Variants in PRKACB observed in about 807,000 individuals in gnomAD.
PRKACB encodes the protein protein kinase cAMP-activated catalytic subunit beta.
A neutral mutation model predicts 51.4 loss-of-function variants in PRKACB; 16 were observed. That is an observed-to-expected ratio of 0.31 (90% confidence interval 0.21 to 0.47). The LOEUF is 0.47. PRKACB is among the 20% of genes least tolerant of loss of function. PRKACB has a pLI of 1.00. For synonymous variants in PRKACB, 147 were observed against 154.4 expected, an observed-to-expected ratio of 0.95 and a Z score of 0.35; for missense variants, 309 against 464.5, an observed-to-expected ratio of 0.67 and a Z score of 3.08.
chr1:84,154,308 C>T (rs1655186886), intron 1 of PRKACB, among the ~76,000 whole-genome samples: 1 of 152,118 alleles, frequency 6.6e-6, no homozygotes, highest in African/African-American at 2.4e-5. Context: ...TATTTTCTCT[C>T]ATTCTGTAGG....
chr1:84,228,360 C>T lies in PRKACB; in HGVS notation c.1072-6820C>T, dbSNP rs147599425. ...TCATGAATATGAAACCTGCTTTAGC[C>T]GCTTATCAGTCATGTGAATTTGGTC... On this transcript the variant is annotated intron_variant, in intron 9 of 9. Coordinates refer to ENST00000370685, the MANE Select transcript of PRKACB (RefSeq NM_182948.4). Among the ~76,000 whole-genome samples, 682 of 152,216 alleles carry T rather than the reference C, an allele frequency of 4.5e-3. 13 individuals are homozygous for T. The highest frequency in any genetic ancestry group is 0.033 in the Admixed American group (510 of 15,284).
At chr1:84,098,048 G>A (rs1649057722) in intron 1 of PRKACB, among the ~76,000 whole-genome samples, 1 of 151,942 alleles carries the variant, frequency 6.6e-6, no homozygotes, top group Non-Finnish European at 1.5e-5. Context: ...GTGTATATCA[G>A]GATATAATTA....
At chr1:84,202,646 T>C (rs1191265179) in intron 7 of PRKACB, 37 bp from the exon 8 acceptor site, 1 of 1,558,336 alleles carries the variant, frequency 6.4e-7, no homozygotes, top group Non-Finnish European at 8.7e-7. Context: ...TTTGAGTAAC[T>C]TAAGTAACAA....
intron 8 of PRKACB, among the ~76,000 whole-genome samples, chr1:84,203,357 C>T (rs970976764): frequency 5.3e-5 from 8 of 151,954 alleles, no homozygotes; most frequent in African/African-American, 1.9e-4. Flanking sequence ...AATTTTTCTT[C>T]AACATGAGTA....
intron 2 of PRKACB, chr1:84,181,592 T>C: frequency 9.8e-7 from 1 of 1,019,114 alleles, no homozygotes; most frequent in Non-Finnish European, 1.3e-6. Flanking sequence ...TCTTCTTTCC[T>C]TATTGTTGTT....
chr1:84,175,131 C>T, intron 1 of PRKACB: 1 of 1,257,670 alleles, frequency 8.0e-7, no homozygotes, highest in South Asian at 2.1e-5. Context: ...TTTTTATTTT[C>T]CTTATAAAGT....
Position 84,194,830 on chromosome 1 carries a change from C to T in PRKACB, c.561-1786C>T, listed in dbSNP as rs572051466. ...GTGTGCAACTGTAGTCCCAGCTACT[C>T]GGTAGACTGAGGTGGGAAGATTGCA... On this transcript the variant is annotated intron_variant, in intron 5 of 9. Coordinates refer to ENST00000370685, the MANE Select transcript of PRKACB (RefSeq NM_182948.4). 4.6e-5 allele frequency among the ~76,000 whole-genome samples: 7 copies of T among 151,998 alleles called. No individual in the cohort carries two copies. The East Asian group carries it at 7.8e-4, about 17-fold the overall frequency.
chr1:84,123,912 T>C (rs1467445610), intron 1 of PRKACB, among the ~76,000 whole-genome samples: 1 of 152,152 alleles, frequency 6.6e-6, no homozygotes, highest in African/African-American at 2.4e-5. Context: ...TTAACATTTT[T>C]ACACTCAATA....
rs138990739 is a variant in PRKACB at position 84,155,033 on chromosome 1, C to T, written c.187+10485C>T. On this transcript the variant is annotated intron_variant, in intron 1 of 9. Coordinates refer to ENST00000370685, the MANE Select transcript of PRKACB (RefSeq NM_182948.4). Reference sequence around the variant, plus strand: ...ATGATACTGGAAGTCCTATCCAGAGCATTTAGGCAATAAATAAATAAATAA... The same window carrying T: ...ATGATACTGGAAGTCCTATCCAGAGTATTTAGGCAATAAATAAATAAATAA... Among the ~76,000 whole-genome samples the T allele has an allele frequency of 1.8e-3, 268 of 151,904 alleles. 1 individual carries two copies. The highest frequency in any genetic ancestry group is 6.3e-3 in the African/African-American group (263 of 41,440).
Position 84,105,608 on chromosome 1 carries a change from T to C in PRKACB, c.46+27237T>C, listed in dbSNP as rs111463079. Among the ~76,000 whole-genome samples, 791 of 151,942 alleles carry C rather than the reference T, an allele frequency of 5.2e-3. 5 individuals carry two copies. Among genetic ancestry groups the C allele is most frequent in the African/African-American group, 0.018 (750 of 41,430 alleles). On this transcript the variant is annotated intron_variant, in intron 1 of 8. Transcript: ENST00000370688. ...ATTTATTTACTGAGACAGGGTCTCCTTCTGTCACCCAGGCTGGAGTGCAGT... is the reference window on the plus strand; with the variant it reads ...ATTTATTTACTGAGACAGGGTCTCCCTCTGTCACCCAGGCTGGAGTGCAGT...
rs934936707 is a variant in PRKACB at position 84,235,299 on chromosome 1, A to G, written c.1191A>G (p.Glu397=). 1.2e-6 allele frequency: 2 copies of G among 1,613,950 alleles called. No homozygotes were observed. The highest frequency in any genetic ancestry group is 2.7e-5 in the African/African-American group (2 of 74,924). The change falls in exon 10 of 10, where the codon GAA becomes GAG. Residue 397 remains glutamate (E), a synonymous_variant. Coordinates refer to ENST00000370685, the MANE Select transcript of PRKACB (RefSeq NM_182948.4). ...AAAAATGTGCAAAAGAATTTGGTGAATTTTAAAGAGGAACAAGATGACATC... is the reference window on the plus strand; with the variant it reads ...AAAAATGTGCAAAAGAATTTGGTGAGTTTTAAAGAGGAACAAGATGACATC... ...ITEKCAKEFG[E]F
At chr1:84,159,770 C>T (rs1655958936) in intron 1 of PRKACB, among the ~76,000 whole-genome samples, 2 of 152,038 alleles carry the variant, frequency 1.3e-5, no homozygotes, top group African/African-American at 4.8e-5. Flanking sequence ...CCTTTCTAGT[C>T]CTCGTTGTTG....
chr1:84,233,002 A>G (rs9662292), intron 9 of PRKACB, among the ~76,000 whole-genome samples: 7,118 of 151,120 alleles, frequency 0.047, 552 homozygotes, highest in African/African-American at 0.16. Context: ...CAGTTTCTTC[A>G]TAGTCTCGAT....
intron 1 of PRKACB, among the ~76,000 whole-genome samples, chr1:84,171,219 AAG>A (rs1659371683): frequency 6.6e-6 from 1 of 151,550 alleles, no homozygotes; most frequent in African/African-American, 2.4e-5. Context: ...AATTAGGAAA[AAG>A]AAAGACATTC....
chr1:84,187,676 A>G (rs1003519601), intron 5 of PRKACB, among the ~76,000 whole-genome samples: 1 of 152,194 alleles, frequency 6.6e-6, no homozygotes, highest in Non-Finnish European at 1.5e-5. Context: ...TGTCTAGTCT[A>G]TAGGTAGATA....
chr1:84,228,522 T>C (rs1351200701), intron 9 of PRKACB, among the ~76,000 whole-genome samples: 1 of 152,198 alleles, frequency 6.6e-6, no homozygotes, highest in Non-Finnish European at 1.5e-5. Context: ...TATGATTTTT[T>C]TTTTTTAGCT....
intron 1 of PRKACB, among the ~76,000 whole-genome samples, chr1:84,085,520 A>T (rs1313064381): frequency 6.6e-6 from 1 of 152,250 alleles, no homozygotes; most frequent in African/African-American, 2.4e-5. Flanking sequence ...AAGAAAAAAT[A>T]CACAGGAAGC....
intron 1 of PRKACB, among the ~76,000 whole-genome samples, chr1:84,130,865 T>C (rs1396872248): frequency 6.6e-6 from 1 of 152,166 alleles, no homozygotes; most frequent in East Asian, 1.9e-4. Context: ...ATAATAAATA[T>C]CTGGATAAAT....
At position 84,226,274 on chromosome 1, in the gene PRKACB, GT is replaced by G. The variant is rs887099141; in HGVS notation, c.1072-8895del. Among the ~76,000 whole-genome samples, 53 of 18,472 alleles carry G rather than the reference GT, an allele frequency of 2.9e-3. 1 individual carries two copies. Among genetic ancestry groups the G allele is most frequent in the African/African-American group, 3.3e-3 (44 of 13,260 alleles). The allele number at this position is 18,472 out of a possible 152,430, so 12.1% of individuals were successfully genotyped here. On this transcript the variant is annotated intron_variant, in intron 9 of 9. Transcript: ENST00000370685. ...CTTGCCAATGGTTTGTGGGTTTTTT[GT>G]TTTTTTTTTTGGTCTCTCTAAAGAT...
Sources: allele counts gnomAD v4.1 joint callset (sites outside exome capture counted in the v4.1 genomes callset), GRCh38; gene constraint gnomAD v4.1.1; transcripts MANE v1.5; gene names NCBI Gene and HGNC (gene_info 2026-07-23, HGNC 2026-07-21).